Variants in CSNK1G1 observed in about 807,000 individuals in gnomAD.
CSNK1G1 encodes the protein casein kinase 1 gamma 1.
A neutral mutation model predicts 59.6 loss-of-function variants in CSNK1G1; 22 were observed. That is an observed-to-expected ratio of 0.37 (90% CI 0.26 to 0.53). The LOEUF (loss-of-function observed/expected upper bound fraction) is 0.53. Among genes scored for constraint, CSNK1G1 ranks in the 20% least tolerant of loss-of-function variants. CSNK1G1 has a pLI of 0.89. For missense variants in CSNK1G1, 384 were observed against 519.5 expected (o/e 0.74, Z 2.54); for synonymous variants, 179 against 177.1 (o/e 1.01, Z -0.08).
At chr15:64,277,916 A>G (rs1041747833) in intron 2 of CSNK1G1, among the ~76,000 whole-genome samples, 4 of 143,472 alleles carry the variant, frequency 2.8e-5, no homozygotes, top group Non-Finnish European at 6.0e-5. Flanking sequence ...ATATTTAATA[A>G]TAATATTGAT....
At chr15:64,276,664 G>A (rs949226572) in intron 2 of CSNK1G1, among the ~76,000 whole-genome samples, 3 of 152,180 alleles carry the variant, frequency 2.0e-5, no homozygotes, top group Admixed American at 6.5e-5. Context: ...AAAGAGTTGA[G>A]GCTGGGCACG....
intron 4 of CSNK1G1, among the ~76,000 whole-genome samples, chr15:64,242,664 ATAAC>A (rs890974104): frequency 6.6e-6 from 1 of 152,220 alleles, no homozygotes; most frequent in Non-Finnish European, 1.5e-5. Context: ...ATTTATATCA[ATAAC>A]TAATATAAAT....
chr15:64,322,695 T>C lies in CSNK1G1; in HGVS notation c.-224-21972A>G, dbSNP rs1473787827. On this transcript the variant is annotated intron_variant, in intron 1 of 11. Coordinates refer to ENST00000303052, the MANE Select transcript of CSNK1G1 (RefSeq NM_022048.5). ...AAACAATACAAAAATTAGCCAGACA[T>C]GGTAGTGCGCATCTGTAGTCCCAGC... Among the ~76,000 whole-genome samples, 6 of 152,118 alleles carry C rather than the reference T, an allele frequency of 3.9e-5. No individual in the cohort carries two copies. The South Asian group carries it at 1.0e-3, about 26-fold the overall frequency.
At chr15:64,276,121 A>C (rs1893600879) in intron 2 of CSNK1G1, among the ~76,000 whole-genome samples, 1 of 152,184 alleles carries the variant, frequency 6.6e-6, no homozygotes, top group Admixed American at 6.5e-5. Context: ...GCCAAAAGAA[A>C]GGGAGAAGTT....
chr15:64,349,137 C>CAAA (rs1258780843), intron 1 of CSNK1G1, among the ~76,000 whole-genome samples: 1 of 54,680 alleles, frequency 1.8e-5, no homozygotes, highest in African/African-American at 7.1e-5. Context: ...AACTCCACCT[C>CAAA]AAAAAAAAAA....
intron 4 of CSNK1G1, among the ~76,000 whole-genome samples, chr15:64,237,681 A>G (rs2082634141): frequency 2.0e-5 from 3 of 152,212 alleles, no homozygotes; most frequent in Admixed American, 2.0e-4. Context: ...ACATTATAAA[A>G]GGGTCTTATC....
chr15:64,262,908 C>T (rs1178582458), intron 2 of CSNK1G1, among the ~76,000 whole-genome samples: 2 of 151,788 alleles, frequency 1.3e-5, no homozygotes, highest in East Asian at 2.0e-4. Flanking sequence ...GAGAAACCCC[C>T]GTCTCTACTA....
chr15:64,327,342 GCCT>G (rs1408388403), intron 1 of CSNK1G1, among the ~76,000 whole-genome samples: 3 of 150,492 alleles, frequency 2.0e-5, no homozygotes, highest in Non-Finnish European at 4.4e-5. Context: ...CGGGCAGACT[GCCT>G]CCTCAAGTGG....
At chr15:64,194,695 T>C (rs1001464236) in intron 10 of CSNK1G1, among the ~76,000 whole-genome samples, 14 of 152,018 alleles carry the variant, frequency 9.2e-5, no homozygotes, top group Non-Finnish European at 1.6e-4. Context: ...TTTGTATTTT[T>C]AGTAGAGACA....
intron 7 of CSNK1G1, among the ~76,000 whole-genome samples, chr15:64,205,991 G>T (rs1283280100): frequency 6.6e-6 from 1 of 152,142 alleles, no homozygotes; most frequent in African/African-American, 2.4e-5. Context: ...ATATTAATAT[G>T]TTGAAATAAA....
chr15:64,254,516 T>C (rs1224243005), intron 3 of CSNK1G1, among the ~76,000 whole-genome samples: 1 of 152,026 alleles, frequency 6.6e-6, no homozygotes, highest in Admixed American at 6.6e-5. Context: ...CACACCTGGC[T>C]AATTTTTGTA....
At chr15:64,198,221 CAA>C (rs2082061663) in intron 10 of CSNK1G1, among the ~76,000 whole-genome samples, 5 of 86,206 alleles carry the variant, frequency 5.8e-5, no homozygotes, top group African/African-American at 2.3e-4. Context: ...TTTTTTGAAA[CAA>C]AGTCTCTGCT....
At chr15:64,317,660 C>A (rs558047869) in intron 1 of CSNK1G1, among the ~76,000 whole-genome samples, 1 of 151,780 alleles carries the variant, frequency 6.6e-6, no homozygotes, top group African/African-American at 2.4e-5. Flanking sequence ...CATCACCCAC[C>A]TAATTTTTAA....
intron 1 of CSNK1G1, among the ~76,000 whole-genome samples, chr15:64,317,668 T>A (rs1896348206): frequency 6.6e-6 from 1 of 152,156 alleles, no homozygotes; most frequent in Admixed American, 6.5e-5. Context: ...ACCTAATTTT[T>A]AAATTCTTTT....
At chr15:64,309,569 A>C (rs965597475) in intron 1 of CSNK1G1, among the ~76,000 whole-genome samples, 2 of 152,236 alleles carry the variant, frequency 1.3e-5, no homozygotes, top group African/African-American at 4.8e-5. Context: ...CTACACAAGT[A>C]AACAAGCAAC....
intron 4 of CSNK1G1, among the ~76,000 whole-genome samples, chr15:64,222,987 T>C (rs1355348272): frequency 6.6e-6 from 1 of 152,206 alleles, no homozygotes; most frequent in African/African-American, 2.4e-5. Context: ...TCTTAGTTAT[T>C]TTCTTACAGA....
intron 10 of CSNK1G1, among the ~76,000 whole-genome samples, chr15:64,192,563 G>A (rs1184614190): frequency 6.6e-6 from 1 of 152,002 alleles, no homozygotes; most frequent in Non-Finnish European, 1.5e-5. Flanking sequence ...GCATTCATTT[G>A]GCAGGGATTA....
chr15:64,350,273 C>T (rs989791120), intron 1 of CSNK1G1, among the ~76,000 whole-genome samples: 7 of 152,062 alleles, frequency 4.6e-5, no homozygotes, highest in African/African-American at 7.2e-5. Context: ...GCGGGCGGAT[C>T]ACAAGGTCAG....
chr15:64,306,476 T>C (rs1895690723), intron 1 of CSNK1G1, among the ~76,000 whole-genome samples: 1 of 152,166 alleles, frequency 6.6e-6, no homozygotes. Flanking sequence ...TCCAAAACAC[T>C]GACAACATCA....
Sources: allele counts gnomAD v4.1 joint callset (sites outside exome capture counted in the v4.1 genomes callset), GRCh38; gene constraint gnomAD v4.1.1; transcripts MANE v1.5; gene names NCBI Gene and HGNC (gene_info 2026-07-23, HGNC 2026-07-21).